Variants in CELF2 observed in about 807,000 individuals in gnomAD.
The protein encoded by CELF2 is CUG triplet repeat RNA-binding protein 2.
In CELF2, 8 loss-of-function variants were observed where a neutral mutation model predicts 62.6. The observed-to-expected ratio is 0.13, with a 90% confidence interval of 0.07 to 0.23. The LOEUF (loss-of-function observed/expected upper bound fraction) is 0.23, where lower values mean the gene tolerates loss of function less well. Among genes scored for constraint, CELF2 ranks in the 10% least tolerant of loss-of-function variants. The pLI is 1.00. For missense variants in CELF2, 333 were observed against 671.0 expected (o/e 0.50, Z 5.56); for synonymous variants, 258 against 250.0 (o/e 1.03, Z -0.30).
chr10:11,330,886 G>GA lies in CELF2; in HGVS notation c.*1840dup, dbSNP rs570442464. On this transcript the variant is annotated 3_prime_UTR_variant, in exon 13 of 13. Coordinates refer to ENST00000633077, the MANE Select transcript of CELF2 (RefSeq NM_001326342.2). The surrounding 1 kb of genome is among the most constrained non-coding windows in gnomAD (Gnocchi z 4.5). ...CAGACTACTTCCAAAAACAGTTTGA[G>GA]AAAAAAACTGTCTGATTTTAAGTCT... 1.4e-4 allele frequency: 21 copies of GA among 152,518 alleles called. No homozygotes were observed. The highest frequency in any genetic ancestry group is 8.3e-4 in the South Asian group (4 of 4,808). The allele number at this position is 152,518 out of a possible 1,614,324, so 9.4% of individuals were successfully genotyped here.
chr10:11,321,243 G>T lies in CELF2; in HGVS notation c.1151G>T (p.Gly384Val). ...CTGAATGGAGGACTTGGCGCCACAG[G>T]CTTGACGAATGGCACGGCTGGCACC... is the stretch of plus-strand genomic sequence containing the variant. ...AALNGGLGAT[G>V]LTNGTAGTMD... is the part of the protein sequence containing the mutation. The change falls in exon 11 of 13, where the codon GGC becomes GTC. Residue 384 changes from glycine to valine, a missense_variant. Gly to Val is a moderately radical substitution (Grantham distance 109). Coordinates refer to ENST00000633077, the MANE Select transcript of CELF2 (RefSeq NM_001326342.2). This position sits in a 1 kb window ranked among gnomAD's most constrained non-coding sequence, Gnocchi z 6.2. 6.2e-7 allele frequency: 1 copy of T among 1,614,154 alleles called. No homozygotes were observed. The highest frequency in any genetic ancestry group is 8.5e-7 in the Non-Finnish European group (1 of 1,180,040).
chr10:10,937,928 C>T (rs1466651288), intron 2 of CELF2, among the ~76,000 whole-genome samples: 1 of 152,098 alleles, frequency 6.6e-6, no homozygotes, highest in East Asian at 1.9e-4. Flanking sequence ...ATTGACTGCA[C>T]AGGTGTTAAA....
chr10:10,615,887 A>G, the CELF2 span, among the ~76,000 whole-genome samples: 1 of 152,160 alleles, frequency 6.6e-6, no homozygotes, highest in Non-Finnish European at 1.5e-5. Flanking sequence ...TGCAAGAATG[A>G]ACTAATATAA....
chr10:11,053,776 G>A (rs1380680975), intron 1 of CELF2, among the ~76,000 whole-genome samples: 14 of 151,698 alleles, frequency 9.2e-5, no homozygotes, highest in African/African-American at 1.2e-4. Flanking sequence ...CACCATGCCC[G>A]GCTAATTTTT....
chr10:11,161,386 C>T (rs1445408778), intron 1 of CELF2, among the ~76,000 whole-genome samples: 2 of 152,200 alleles, frequency 1.3e-5, no homozygotes, highest in African/African-American at 2.4e-5. Context: ...GCGCATGTGT[C>T]TGGGGCCTGC....
the CELF2 span, among the ~76,000 whole-genome samples, chr10:10,745,473 T>C: frequency 1.3e-5 from 2 of 152,188 alleles, no homozygotes; most frequent in Admixed American, 1.3e-4. Context: ...CCTGGTGAGC[T>C]CTCTTTGAAG....
the CELF2 span, among the ~76,000 whole-genome samples, chr10:10,506,669 A>ATTTTTT: frequency 3.1e-5 from 1 of 32,422 alleles, no homozygotes; most frequent in Non-Finnish European, 7.2e-5. Context: ...ACCTCCTGTG[A>ATTTTTT]ATTTTTTTTT....
the CELF2 span, among the ~76,000 whole-genome samples, chr10:10,688,395 C>T: frequency 6.6e-6 from 1 of 152,188 alleles, no homozygotes; most frequent in Non-Finnish European, 1.5e-5. Flanking sequence ...AAGAAAGATG[C>T]TAACAAATTA....
At chr10:11,193,289 A>G (rs1436786835) in intron 2 of CELF2, among the ~76,000 whole-genome samples, 10 of 152,204 alleles carry the variant, frequency 6.6e-5, no homozygotes, top group Non-Finnish European at 1.0e-4. Context: ...ATGCAAGAGG[A>G]GAAAGAGTGA....
At chr10:10,891,169 T>A (rs1424833131) in intron 1 of CELF2, among the ~76,000 whole-genome samples, 1 of 152,170 alleles carries the variant, frequency 6.6e-6, no homozygotes, top group Non-Finnish European at 1.5e-5. Flanking sequence ...AATTTTTGGA[T>A]TATCTGTTTA....
At position 10,931,071 on chromosome 10, in the gene CELF2, C is replaced by T. The variant is rs12415958; in HGVS notation, c.89+11072C>T. On this transcript the variant is annotated intron_variant, in intron 2 of 13. Coordinates refer to the CELF2 transcript ENST00000636488. The surrounding 1 kb of genome is among the most constrained non-coding windows in gnomAD (Gnocchi z 6.1). ...CACATAAATTAATAAAATTTATTCCCATGTATACATAGATAGTTTTAAACC... is the reference window on the plus strand; with the variant it reads ...CACATAAATTAATAAAATTTATTCCTATGTATACATAGATAGTTTTAAACC... Among the ~76,000 whole-genome samples the T allele has an allele frequency of 0.15, 22,057 of 152,114 alleles. 2,349 individuals carry two copies. Among genetic ancestry groups the T allele is most frequent in the East Asian group, 0.39 (2,008 of 5,176 alleles).
chr10:10,838,355 G>A (rs898485195), intron 1 of CELF2, among the ~76,000 whole-genome samples: 6 of 151,640 alleles, frequency 4.0e-5, no homozygotes, highest in Admixed American at 6.6e-5. Flanking sequence ...GGTGTTGATC[G>A]CATTTCTCCA....
intron 9 of CELF2, among the ~76,000 whole-genome samples, chr10:11,304,645 C>T (rs916126797): frequency 6.6e-6 from 1 of 152,180 alleles, no homozygotes. Context: ...TGTTACATAA[C>T]CCATGAATTC....
At chr10:11,326,301 G>A (rs927755960) in intron 12 of CELF2, among the ~76,000 whole-genome samples, 3 of 152,186 alleles carry the variant, frequency 2.0e-5, no homozygotes, top group Non-Finnish European at 4.4e-5. Context: ...CACCATATTG[G>A]GGGCTTATTG....
chr10:10,992,222 A>C (rs2053516563), intron 2 of CELF2, among the ~76,000 whole-genome samples: 1 of 152,190 alleles, frequency 6.6e-6, no homozygotes, highest in African/African-American at 2.4e-5. Flanking sequence ...TGGCAGATCT[A>C]GGTTAGGTGG....
the CELF2 span, among the ~76,000 whole-genome samples, chr10:10,525,370 A>AT: frequency 1.2e-3 from 178 of 151,296 alleles, 1 homozygote; most frequent in East Asian, 0.01. Context: ...TTTTTTTGCA[A>AT]TTTTTTTTTA....
chr10:10,677,986 C>T, the CELF2 span, among the ~76,000 whole-genome samples: 1 of 152,154 alleles, frequency 6.6e-6, no homozygotes, highest in East Asian at 1.9e-4. Context: ...CACTTTATAA[C>T]ATGACCTAGT....
chr10:11,173,608 T>G (rs561437989), intron 2 of CELF2, among the ~76,000 whole-genome samples: 1 of 152,226 alleles, frequency 6.6e-6, no homozygotes, highest in African/African-American at 2.4e-5. Context: ...CTTATGTTAG[T>G]AGATTCTTAA....
At chr10:10,516,180 A>G in the CELF2 span, among the ~76,000 whole-genome samples, 2 of 152,198 alleles carry the variant, frequency 1.3e-5, no homozygotes, top group African/African-American at 4.8e-5. Context: ...CTGCGTGACT[A>G]TTTCTGACAA....
Sources: allele counts gnomAD v4.1 joint callset (sites outside exome capture counted in the v4.1 genomes callset), GRCh38; gene constraint gnomAD v4.1.1; non-coding constraint Gnocchi (gnomAD v3.1); transcripts MANE v1.5; gene names NCBI Gene and HGNC (gene_info 2026-07-23, HGNC 2026-07-21).